Variants in ATF7IP2 observed in about 807,000 individuals in gnomAD.
ATF7IP2 encodes the protein activating transcription factor 7 interacting protein 2.
ATF7IP2 carries 42 observed loss-of-function variants against 64.2 expected under a neutral mutation model. The observed-to-expected ratio is 0.65, with a 90% CI of 0.51 to 0.85. The LOEUF is 0.85. Ranked by LOEUF, ATF7IP2 falls within the 40% of genes least tolerant of loss-of-function variation. The pLI, the probability that ATF7IP2 is intolerant of heterozygous loss-of-function variation, is 0.00. For missense variants in ATF7IP2, 933 were observed against 784.2 expected (o/e 1.19, Z -2.27); for synonymous variants, 308 against 272.8 (o/e 1.13, Z -1.27).
chr16:10,457,592 T>C (rs781645794), intron 9 of ATF7IP2, 63 bp downstream of exon 9: 85 of 1,261,598 alleles, frequency 6.7e-5, no homozygotes, highest in Non-Finnish European at 8.4e-5. Flanking sequence ...TTTTTCTTCA[T>C]CACAGTTTTG....
In ATF7IP2 at chr16:10,473,341, TA is replaced by T; in HGVS notation, c.1427-135del. On this transcript the variant is annotated intron_variant, in intron 10 of 13. Coordinates refer to ENST00000562102, the MANE Select transcript of ATF7IP2 (RefSeq NM_001393719.1). Reference sequence around the variant, plus strand: ...AATTTCATTCAGTCTTTGGAATAGGTAAAGTCAATTGAGTTACTTTTTATCA... The same window carrying T: ...AATTTCATTCAGTCTTTGGAATAGGTAAGTCAATTGAGTTACTTTTTATCA... 3 of 569,014 alleles carry T rather than the reference TA, an allele frequency of 5.3e-6. No individual in the cohort carries two copies. In the East Asian group the frequency reaches 9.5e-5, roughly 18 times the overall value. The allele number at this position is 569,014 out of a possible 1,614,324, so 35.2% of individuals were successfully genotyped here.
intron 4 of ATF7IP2, 30 bp from the exon 5 acceptor site, chr16:10,430,581 T>G (rs1049416921): frequency 7.2e-7 from 1 of 1,384,826 alleles, no homozygotes; most frequent in African/African-American, 1.5e-5. Flanking sequence ...ACTAGAGAAA[T>G]GCATTTAAAT....
intron 3 of ATF7IP2, among the ~76,000 whole-genome samples, chr16:10,422,126 T>C (rs1052134706): frequency 5.3e-5 from 8 of 152,230 alleles, no homozygotes; most frequent in Non-Finnish European, 2.9e-5. Context: ...GTTGGAGCTA[T>C]GTGTCCTTTT....
rs1259483431 is a variant in ATF7IP2, at chr16:10,389,474, T to A, written c.-242+3352T>A. Among the ~76,000 whole-genome samples the A allele has an allele frequency of 2.0e-5, 3 of 152,108 alleles. No individual in the cohort carries two copies. In the East Asian group the frequency reaches 5.8e-4, roughly 29 times the overall value. ...ACGTCTTTATAATTTGGAGGGAAACTCTTGGAACTGTGAGTGCTCCCCGTC... is the reference window on the plus strand; with the variant it reads ...ACGTCTTTATAATTTGGAGGGAAACACTTGGAACTGTGAGTGCTCCCCGTC... On this transcript the variant is annotated intron_variant, in intron 1 of 13. Coordinates refer to ENST00000562102, the MANE Select transcript of ATF7IP2 (RefSeq NM_001393719.1).
chr16:10,442,167 A>T (rs7206487), intron 8 of ATF7IP2, among the ~76,000 whole-genome samples: 112,588 of 152,136 alleles, frequency 0.74, 41,851 homozygotes, highest in East Asian at 0.87. Flanking sequence ...AGCTACAACC[A>T]TGGTAGATGA....
Position 10,430,954 on chromosome 16 carries a change from G to A in ATF7IP2, c.334G>A (p.Val112Ile), listed in dbSNP as rs1330637783. ...IVHSETKLEQVVCSYQKPSRT... is the reference protein window; with the variant it reads ...IVHSETKLEQIVCSYQKPSRT... ...TCATTCAGAAACAAAATTGGAACAAGTTGTTTGTTCGTACCAAAAGCCAAG... is the reference window on the plus strand; with the variant it reads ...TCATTCAGAAACAAAATTGGAACAAATTGTTTGTTCGTACCAAAAGCCAAG... The change falls in exon 5 of 14, where the codon GTT becomes ATT. Residue 112 changes from valine to isoleucine, a missense_variant. Val to Ile is a conservative substitution (Grantham distance 29, BLOSUM62 3). Transcript: ENST00000562102. The A allele has an allele frequency of 2.5e-6, 4 of 1,614,110 alleles. No homozygotes were observed. In the Admixed American group the frequency reaches 6.7e-5, roughly 27 times the overall value.
chr16:10,437,474 G>GT (rs2048460937), intron 6 of ATF7IP2, among the ~76,000 whole-genome samples: 1 of 152,130 alleles, frequency 6.6e-6, no homozygotes, highest in Non-Finnish European at 1.5e-5. Flanking sequence ...TCAATTCAGT[G>GT]TTTTTTATTT....
At chr16:10,433,227 A>G (rs1038650247) in intron 5 of ATF7IP2, among the ~76,000 whole-genome samples, 4 of 151,982 alleles carry the variant, frequency 2.6e-5, no homozygotes, top group African/African-American at 9.7e-5. Flanking sequence ...TGCCCAGGCT[A>G]GAGTGCAGTA....
At position 10,430,849 on chromosome 16, in the gene ATF7IP2, T is replaced by G; in HGVS notation, c.229T>G (p.Leu77Val). Residue 77 changes from leucine (L) to valine (V), a missense_variant, in exon 5 of 14, where the codon TTG (leucine) becomes GTG (valine). Transcript: ENST00000562102. ...CSPSENGASS[L>V]DSNKNSISEK... ...CCCTTCTGAAAATGGTGCATCCTCA[T>G]TGGACTCTAATAAAAATTCAATATC... 1 of 1,613,942 alleles carries G rather than the reference T, an allele frequency of 6.2e-7. No homozygotes were observed. Among genetic ancestry groups the G allele is most frequent in the Non-Finnish European group, 8.5e-7 (1 of 1,179,848 alleles).
At chr16:10,387,514 C>T (rs2047225777) in intron 1 of ATF7IP2, 1 of 152,206 alleles carries the variant, frequency 6.6e-6, no homozygotes, top group Non-Finnish European at 1.5e-5. Context: ...GAATGTTCTG[C>T]TTTCCTTGCC....
chr16:10,388,039 A>G (rs72779758), intron 1 of ATF7IP2, among the ~76,000 whole-genome samples: 20,192 of 151,784 alleles, frequency 0.13, 1,690 homozygotes, highest in Non-Finnish European at 0.18. Context: ...AGTAGCTGGG[A>G]TTATAGGCGC....
chr16:10,426,203 T>C (rs1379492532), intron 3 of ATF7IP2, among the ~76,000 whole-genome samples: 2 of 152,212 alleles, frequency 1.3e-5, no homozygotes, highest in Non-Finnish European at 2.9e-5. Flanking sequence ...AGTATTACCA[T>C]CTCAAAGATC....
At chr16:10,412,225 T>G (rs2047784368) in intron 1 of ATF7IP2, among the ~76,000 whole-genome samples, 1 of 151,886 alleles carries the variant, frequency 6.6e-6, no homozygotes, top group South Asian at 2.1e-4. Context: ...GTGTTTGGGT[T>G]TGGTTTGTTC....
At chr16:10,411,388 G>GTT (rs1555505618) in intron 1 of ATF7IP2, among the ~76,000 whole-genome samples, 33 of 146,094 alleles carry the variant, frequency 2.3e-4, no homozygotes, top group East Asian at 6.0e-4. Flanking sequence ...TGTTGTTGTT[G>GTT]TTGTTTTGTT....
intron 3 of ATF7IP2, among the ~76,000 whole-genome samples, chr16:10,426,109 G>A (rs903745845): frequency 6.6e-6 from 1 of 152,138 alleles, no homozygotes; most frequent in Non-Finnish European, 1.5e-5. Flanking sequence ...ATGGATTAAG[G>A]ACTTAAATTA....
intron 3 of ATF7IP2, among the ~76,000 whole-genome samples, chr16:10,423,105 G>A (rs374681248): frequency 1.3e-4 from 20 of 152,130 alleles, no homozygotes; most frequent in South Asian, 1.2e-3. Flanking sequence ...TTAGCCAGGC[G>A]TGGTGGCGGG....
intron 1 of ATF7IP2, among the ~76,000 whole-genome samples, chr16:10,395,846 C>T (rs1476151559): frequency 6.6e-6 from 1 of 151,974 alleles, no homozygotes; most frequent in East Asian, 1.9e-4. Flanking sequence ...GGTTTTCCTG[C>T]TAATTCAGGA....
At chr16:10,478,452 T>C (rs2142100255) in intron 12 of ATF7IP2, among the ~76,000 whole-genome samples, 1 of 152,338 alleles carries the variant, frequency 6.6e-6, no homozygotes, top group Admixed American at 6.5e-5. Context: ...GCTAGCCATA[T>C]GTGGAAAGCT....
intron 6 of ATF7IP2, 149 bp downstream of exon 6, chr16:10,433,798 G>A (rs1461728417): frequency 2.5e-6 from 2 of 813,512 alleles, no homozygotes; most frequent in African/African-American, 1.8e-5. Context: ...AGACAGACTG[G>A]GGAGAGATAA....
Sources: gnomAD v4.1 joint callset for allele counts (sites outside exome capture counted in the v4.1 genomes callset) on GRCh38, gnomAD v4.1.1 for gene constraint, MANE v1.5 for transcripts, NCBI Gene and HGNC (gene_info 2026-07-23, HGNC 2026-07-21) for gene names.